Variants in ZNF536 observed in about 807,000 individuals in gnomAD.
ZNF536 encodes zinc finger protein 536.
A neutral mutation model predicts 84.5 loss-of-function variants in ZNF536; 13 were observed. The ratio of observed to expected loss-of-function variants is 0.15; its 90% CI spans 0.10 to 0.24. The LOEUF (loss-of-function observed/expected upper bound fraction) is 0.24, where lower values mean the gene tolerates loss of function less well. ZNF536 is among the 10% of genes least tolerant of loss of function. ZNF536 has a pLI of 1.00. For missense variants in ZNF536, 1,536 were observed against 1,747.5 expected (o/e 0.88, Z 2.16); for synonymous variants, 811 against 742.5 (o/e 1.09, Z -1.50).
chr19:30,340,142 T>C (rs1025491928), intron 2 of ZNF536, among the ~76,000 whole-genome samples: 6 of 152,122 alleles, frequency 3.9e-5, no homozygotes, highest in African/African-American at 1.4e-4. Flanking sequence ...TCAAACCTGG[T>C]CTCGTGGGCT....
intron 1 of ZNF536, among the ~76,000 whole-genome samples, chr19:30,666,486 C>T (rs2050324536): frequency 6.6e-6 from 1 of 152,220 alleles, no homozygotes; most frequent in Non-Finnish European, 1.5e-5. Flanking sequence ...GCACTCACGT[C>T]CTTCCACCAG....
At chr19:30,531,890 G>T (rs1038632045) in intron 2 of ZNF536, among the ~76,000 whole-genome samples, 1 of 151,868 alleles carries the variant, frequency 6.6e-6, no homozygotes, top group African/African-American at 2.4e-5. Flanking sequence ...GTCCCAAAGT[G>T]CCAGGATTAC....
intron 2 of ZNF536, among the ~76,000 whole-genome samples, chr19:30,317,223 A>T (rs990752674): frequency 6.6e-6 from 1 of 152,106 alleles, no homozygotes; most frequent in African/African-American, 2.4e-5. Context: ...CTCCCAGAAG[A>T]CAGGTGTAAT....
chr19:30,668,412 C>T lies in ZNF536; in HGVS notation c.170-42345C>T, dbSNP rs1273685034. Among the ~76,000 whole-genome samples the T allele has an allele frequency of 2.0e-5, 3 of 152,286 alleles. No individual in the cohort carries two copies. The East Asian group carries it at 5.8e-4, about 29-fold the overall frequency. On this transcript the variant is annotated intron_variant, in intron 1 of 1. Transcript: ENST00000592773. The stretch of plus-strand genomic sequence containing the variant: ...CCTGTCCCAGGCCAGGCTACAGTTG[C>T]TTCCTGGTGTGTCTGAGTTTTTGTG...
At position 30,444,818 on chromosome 19, in the gene ZNF536, C is replaced by T. The variant is rs2052237038; in HGVS notation, c.1256C>T (p.Ser419Phe). The change falls in exon 2 of 5, where the codon TCC becomes TTC. Residue 419 changes from serine (S) to phenylalanine (F), a missense_variant. Ser to Phe is a radical substitution (Grantham distance 155). Transcript: ENST00000355537. ...PEVPVPMGGMSQEAHANLYSR... is the reference protein window; with the variant it reads ...PEVPVPMGGMFQEAHANLYSR... ...GTGCCTGTGCCCATGGGCGGCATGT[C>T]CCAGGAGGCCCACGCCAACCTGTAC... 1.2e-6 allele frequency: 2 copies of T among 1,613,838 alleles called. No individual in the cohort carries two copies. Among genetic ancestry groups the T allele is most frequent in the Non-Finnish European group, 1.7e-6 (2 of 1,180,040 alleles).
At chr19:30,465,311 A>G (rs1044222012) in intron 2 of ZNF536, among the ~76,000 whole-genome samples, 6 of 152,074 alleles carry the variant, frequency 3.9e-5, no homozygotes, top group African/African-American at 1.4e-4. Context: ...TTCCTCTGGG[A>G]GGCCTTTCCA....
intron 2 of ZNF536, among the ~76,000 whole-genome samples, chr19:30,289,814 C>A (rs1343244473): frequency 6.6e-6 from 1 of 152,176 alleles, no homozygotes; most frequent in Non-Finnish European, 1.5e-5. Flanking sequence ...TCACATCCAG[C>A]ACACTGCCTG....
At chr19:30,694,372 T>C (rs1458187951) in intron 1 of ZNF536, among the ~76,000 whole-genome samples, 4 of 152,232 alleles carry the variant, frequency 2.6e-5, no homozygotes, top group African/African-American at 9.6e-5. Flanking sequence ...GTTCATCTGC[T>C]GGGTGAAAAA....
chr19:30,621,050 AT>A (rs1451595114), intron 1 of ZNF536, among the ~76,000 whole-genome samples: 1 of 152,132 alleles, frequency 6.6e-6, no homozygotes, highest in Non-Finnish European at 1.5e-5. Flanking sequence ...TAAATAGAAA[AT>A]AACTGCTCTG....
chr19:30,283,874 A>G (rs1001271537), intron 1 of ZNF536, among the ~76,000 whole-genome samples: 1 of 152,158 alleles, frequency 6.6e-6, no homozygotes, highest in Non-Finnish European at 1.5e-5. Context: ...AGCTGAGGAA[A>G]TTTGGTTCAT....
intron 2 of ZNF536, among the ~76,000 whole-genome samples, chr19:30,322,016 C>T (rs576538216): frequency 7.4e-4 from 112 of 152,224 alleles, no homozygotes; most frequent in African/African-American, 1.8e-3. Flanking sequence ...TCTCGTGATC[C>T]GCCTGCCTTG....
At chr19:30,614,628 C>G (rs1473253911) in intron 1 of ZNF536, among the ~76,000 whole-genome samples, 2 of 151,814 alleles carry the variant, frequency 1.3e-5, no homozygotes, top group Non-Finnish European at 2.9e-5. Flanking sequence ...GTTTAAAAAT[C>G]ATTTCTATTT....
chr19:30,426,510 C>T (rs2051220345), intron 1 of ZNF536, among the ~76,000 whole-genome samples: 1 of 152,084 alleles, frequency 6.6e-6, no homozygotes, highest in African/African-American at 2.4e-5. Context: ...GAATCTTTAC[C>T]CTGAAGGTCC....
chr19:30,347,506 G>A (rs924381715), intron 2 of ZNF536, among the ~76,000 whole-genome samples: 1 of 152,188 alleles, frequency 6.6e-6, no homozygotes, highest in Admixed American at 6.5e-5. Context: ...GGGTGCCAGG[G>A]CCATGAGCCA....
intron 1 of ZNF536, among the ~76,000 whole-genome samples, chr19:30,570,300 A>G (rs967162277): frequency 7.2e-5 from 11 of 152,140 alleles, no homozygotes; most frequent in African/African-American, 2.7e-4. Context: ...AAAACTTTGT[A>G]AGAAGCCGGG....
chr19:30,477,248 A>G (rs1159886290), intron 2 of ZNF536, among the ~76,000 whole-genome samples: 2 of 152,088 alleles, frequency 1.3e-5, no homozygotes, highest in African/African-American at 4.8e-5. Context: ...CATTGTACTG[A>G]CACGTTCTCC....
At chr19:30,707,135 C>T (rs2052272702) in intron 1 of ZNF536, among the ~76,000 whole-genome samples, 1 of 152,100 alleles carries the variant, frequency 6.6e-6, no homozygotes, top group Admixed American at 6.5e-5. Flanking sequence ...ATCTTGGGGG[C>T]TCTGTGTTGT....
chr19:30,314,027 G>T (rs2046595675), intron 2 of ZNF536, among the ~76,000 whole-genome samples: 1 of 152,214 alleles, frequency 6.6e-6, no homozygotes, highest in South Asian at 2.1e-4. Context: ...GTCAACTCCA[G>T]CTCTTATTCC....
chr19:30,315,656 A>G (rs1157328782), intron 2 of ZNF536, among the ~76,000 whole-genome samples: 1 of 152,220 alleles, frequency 6.6e-6, no homozygotes. Flanking sequence ...CAAACAACAC[A>G]GATTTCTGTA....
Sources: allele counts gnomAD v4.1 joint callset (sites outside exome capture counted in the v4.1 genomes callset), GRCh38; gene constraint gnomAD v4.1.1; transcripts MANE v1.5; gene names NCBI Gene and HGNC (gene_info 2026-07-23, HGNC 2026-07-21).